NDUFS4: variants seen among roughly 807,000 people sequenced by gnomAD.
The protein encoded by NDUFS4 is NADH:ubiquinone oxidoreductase subunit S4.
In NDUFS4, 28 loss-of-function variants were observed where a neutral mutation model predicts 24.3. That is an observed-to-expected ratio of 1.15 (90% confidence interval 0.85 to 1.58). The LOEUF (loss-of-function observed/expected upper bound fraction) is 1.58. NDUFS4 is among the 40% of genes most tolerant of loss of function. The pLI is 0.00. For synonymous variants in NDUFS4, 93 were observed against 69.7 expected (o/e 1.34, Z -1.67); for missense variants, 223 against 207.9 (o/e 1.07, Z -0.45).
chr5:53,673,775 T>G (rs1013519908), intron 4 of NDUFS4, among the ~76,000 whole-genome samples: 1 of 152,170 alleles, frequency 6.6e-6, no homozygotes, highest in East Asian at 1.9e-4. Flanking sequence ...ATAGAGAAAC[T>G]GGGAGATGGA....
intron 1 of NDUFS4, among the ~76,000 whole-genome samples, chr5:53,589,362 G>C (rs1749869426): frequency 6.6e-6 from 1 of 152,142 alleles, no homozygotes; most frequent in African/African-American, 2.4e-5. Context: ...TGTTCATGTT[G>C]CATTTCCCTT....
chr5:53,571,382 T>C (rs961090897), intron 1 of NDUFS4, among the ~76,000 whole-genome samples: 5 of 152,230 alleles, frequency 3.3e-5, no homozygotes, highest in African/African-American at 1.2e-4. Flanking sequence ...CTTTATTCCT[T>C]TTTATTGAAG....
intron 2 of NDUFS4, among the ~76,000 whole-genome samples, chr5:53,613,683 A>G (rs896927913): frequency 1.3e-5 from 2 of 151,500 alleles, no homozygotes; most frequent in African/African-American, 4.8e-5. Context: ...AAATGGATGA[A>G]TAGCCTTTAA....
chr5:53,600,840 A>G (rs1342607033), intron 1 of NDUFS4, among the ~76,000 whole-genome samples: 1 of 152,178 alleles, frequency 6.6e-6, no homozygotes, highest in East Asian at 1.9e-4. Flanking sequence ...ATAAAAATTA[A>G]AATCACTCTT....
At chr5:53,649,477 T>C (rs1751957973) in intron 3 of NDUFS4, among the ~76,000 whole-genome samples, 1 of 152,224 alleles carries the variant, frequency 6.6e-6, no homozygotes, top group South Asian at 2.1e-4. Flanking sequence ...TGTTTCTGCA[T>C]TAATTCACTT....
chr5:53,621,826 C>G (rs948043920), intron 2 of NDUFS4, among the ~76,000 whole-genome samples: 1 of 150,790 alleles, frequency 6.6e-6, no homozygotes, highest in East Asian at 2.0e-4. Flanking sequence ...CTCAGCCTCC[C>G]GTGTAGCTGG....
chr5:53,679,503 A>G (rs1390352693), intron 4 of NDUFS4, among the ~76,000 whole-genome samples: 1 of 152,136 alleles, frequency 6.6e-6, no homozygotes, highest in African/African-American at 2.4e-5. Context: ...AACCCAAACC[A>G]GTTGTTCTTT....
intron 2 of NDUFS4, among the ~76,000 whole-genome samples, chr5:53,620,861 G>A (rs1751013584): frequency 6.6e-6 from 1 of 152,098 alleles, no homozygotes; most frequent in African/African-American, 2.4e-5. Context: ...ATCGCCTAGT[G>A]TATGGTCTGT....
At chr5:53,656,865 C>T (rs1456846982) in intron 3 of NDUFS4, among the ~76,000 whole-genome samples, 1 of 151,870 alleles carries the variant, frequency 6.6e-6, no homozygotes, top group East Asian at 1.9e-4. Flanking sequence ...TGAAAAAGAG[C>T]TTAAACTGGT....
In NDUFS4 at chr5:53,613,863, G is replaced by A. The variant is rs1288215678; in HGVS notation, c.177+10333G>A. 2.0e-5 allele frequency among the ~76,000 whole-genome samples: 3 copies of A among 152,014 alleles called. No individual in the cohort carries two copies. In the South Asian group the frequency reaches 6.2e-4, roughly 32 times the overall value. On this transcript the variant is annotated intron_variant, in intron 2 of 4. Coordinates refer to ENST00000296684, the MANE Select transcript of NDUFS4 (RefSeq NM_002495.4). ...TGAAAAATACCAGACTCAAGTAATGGAAAATGTTAAGACTTCTTGAAGCTA... is the reference window on the plus strand; with the variant it reads ...TGAAAAATACCAGACTCAAGTAATGAAAAATGTTAAGACTTCTTGAAGCTA...
intron 1 of NDUFS4, among the ~76,000 whole-genome samples, chr5:53,580,730 C>CCCTTT (rs975274125): frequency 9.3e-5 from 13 of 140,242 alleles, no homozygotes; most frequent in South Asian, 2.3e-4. Context: ...TTTTCCTTTT[C>CCCTTT]CCTTTCCTTT....
intron 1 of NDUFS4, among the ~76,000 whole-genome samples, chr5:53,570,199 G>A (rs761947001): frequency 2.5e-4 from 38 of 152,078 alleles, no homozygotes; most frequent in Non-Finnish European, 4.4e-4. Context: ...TTCCCTGACC[G>A]CTGTAATCCC....
At chr5:53,586,625 C>G (rs1284296706) in intron 1 of NDUFS4, among the ~76,000 whole-genome samples, 1 of 152,102 alleles carries the variant, frequency 6.6e-6, no homozygotes, top group Non-Finnish European at 1.5e-5. Context: ...CAGGTTCATG[C>G]CATTCTCCTG....
At chr5:53,617,419 C>G (rs1750875176) in intron 2 of NDUFS4, among the ~76,000 whole-genome samples, 1 of 152,026 alleles carries the variant, frequency 6.6e-6, no homozygotes, top group Non-Finnish European at 1.5e-5. Flanking sequence ...CCTGATACCA[C>G]CTTATTCCCT....
chr5:53,614,798 A>G (rs553920064), intron 2 of NDUFS4, among the ~76,000 whole-genome samples: 1 of 152,100 alleles, frequency 6.6e-6, no homozygotes, highest in Non-Finnish European at 1.5e-5. Flanking sequence ...TGCTTTCAAG[A>G]ATTTAAAATT....
intron 3 of NDUFS4, among the ~76,000 whole-genome samples, chr5:53,651,337 A>T (rs1752010252): frequency 6.6e-6 from 1 of 151,906 alleles, no homozygotes; most frequent in South Asian, 2.1e-4. Context: ...AAATATTTTA[A>T]ATCTTTTTCT....
intron 2 of NDUFS4, among the ~76,000 whole-genome samples, chr5:53,631,712 G>A (rs138201501): frequency 6.9e-4 from 105 of 152,230 alleles, no homozygotes; most frequent in East Asian, 4.8e-3. Flanking sequence ...CAGCAATGGC[G>A]GACTCCACTC....
At chr5:53,620,867 T>G (rs967528990) in intron 2 of NDUFS4, among the ~76,000 whole-genome samples, 8 of 152,212 alleles carry the variant, frequency 5.3e-5, no homozygotes, top group Non-Finnish European at 1.0e-4. Flanking sequence ...TAGTGTATGG[T>G]CTGTCTTGAT....
Position 53,620,303 on chromosome 5 carries a change from T to C in NDUFS4, c.177+16773T>C, listed in dbSNP as rs573818596. 5.9e-5 allele frequency among the ~76,000 whole-genome samples: 9 copies of C among 152,248 alleles called. No homozygotes were observed. In the East Asian group the frequency reaches 1.7e-3, roughly 29 times the overall value. ...CTGACACAGGGGGCATGTAGCAAAT[T>C]CTACCTAATAGATAAATACCATATA... is the stretch of plus-strand genomic sequence containing the variant. On this transcript the variant is annotated intron_variant, in intron 2 of 4. Transcript: ENST00000296684.
Sources: gnomAD v4.1 joint callset for allele counts (sites outside exome capture counted in the v4.1 genomes callset) on GRCh38, gnomAD v4.1.1 for gene constraint, MANE v1.5 for transcripts, NCBI Gene and HGNC (gene_info 2026-07-23, HGNC 2026-07-21) for gene names.